Variants in NCOA1 observed in about 807,000 individuals in gnomAD.
NCOA1 encodes nuclear receptor coactivator 1.
In NCOA1, 35 loss-of-function variants were observed where a neutral mutation model predicts 150.9. The observed-to-expected ratio is 0.23, with a 90% CI of 0.18 to 0.31. NCOA1 has a LOEUF of 0.31. Among genes scored for constraint, NCOA1 ranks in the 10% least tolerant of loss-of-function variants. The pLI, the probability that NCOA1 is intolerant of heterozygous loss-of-function variation, is 1.00. For missense variants in NCOA1, 1,491 were observed against 1,749.3 expected (o/e 0.85, Z 2.63); for synonymous variants, 590 against 630.0 (o/e 0.94, Z 0.95).
chr2:24,729,618 G>A lies in NCOA1; in HGVS notation c.3004G>A (p.Ala1002Thr). 5 of 1,614,072 alleles carry A rather than the reference G, an allele frequency of 3.1e-6. No homozygotes were observed. The highest frequency in any genetic ancestry group is 3.4e-6 in the Non-Finnish European group (4 of 1,180,006). The change falls in exon 17 of 23, where the codon GCC becomes ACC. Residue 1002 changes from alanine to threonine, a missense_variant. Coordinates refer to ENST00000348332, the MANE Select transcript of NCOA1 (RefSeq NM_003743.5). ...SQPYSSPSPT[A>T]NLPSPFQGMV... ...GCCTTACTCTTCTCCTTCTCCTACT[G>A]CCAATCTCCCTAGCCCTTTCCAAGG...
At chr2:24,563,724 C>G (rs1666385623) in intron 1 of NCOA1, among the ~76,000 whole-genome samples, 1 of 152,036 alleles carries the variant, frequency 6.6e-6, no homozygotes, top group Non-Finnish European at 1.5e-5. Flanking sequence ...TGTCATGTTG[C>G]CCAGGCTGGT....
At chr2:24,496,166 A>G (rs926454258) in intron 1 of NCOA1, among the ~76,000 whole-genome samples, 4 of 152,182 alleles carry the variant, frequency 2.6e-5, no homozygotes, top group Non-Finnish European at 5.9e-5. Context: ...GTTTGCTTGC[A>G]TGCATTTACC....
At chr2:24,504,909 G>A (rs1663624062) in intron 1 of NCOA1, among the ~76,000 whole-genome samples, 1 of 152,088 alleles carries the variant, frequency 6.6e-6, no homozygotes, top group South Asian at 2.1e-4. Flanking sequence ...ATCCTTGGAG[G>A]TCATTTTCCC....
At position 24,707,718 on chromosome 2, in the gene NCOA1, C is replaced by T. The variant is rs752284386; in HGVS notation, c.2248C>T (p.Arg750Cys). 23 of 1,613,940 alleles carry T rather than the reference C, an allele frequency of 1.4e-5. No homozygotes were observed. The highest frequency in any genetic ancestry group is 1.7e-5 in the Non-Finnish European group (20 of 1,179,920). Residue 750 changes from arginine to cysteine, a missense_variant, in exon 13 of 23, where the codon CGC (arginine) becomes TGC (cysteine). By Grantham distance (180) the Arg-to-Cys change is radical. Coordinates refer to ENST00000348332, the MANE Select transcript of NCOA1 (RefSeq NM_003743.5). ...KKESKDHQLL[R>C]YLLDKDEKDL... ...AGAATCAAAAGACCATCAGCTCCTA[C>T]GCTATCTTTTAGATAAAGATGAGAA...
At chr2:24,762,315 A>C (rs954756416) in intron 21 of NCOA1, among the ~76,000 whole-genome samples, 2 of 152,256 alleles carry the variant, frequency 1.3e-5, no homozygotes, top group East Asian at 1.9e-4. Context: ...AATCTTGACC[A>C]AAGTGTGAGT....
At chr2:24,727,625 A>T (rs1235297402) in intron 15 of NCOA1, among the ~76,000 whole-genome samples, 2 of 152,234 alleles carry the variant, frequency 1.3e-5, no homozygotes, top group African/African-American at 2.4e-5. Context: ...TCTCAAAGGA[A>T]GAATGCTTAT....
intron 3 of NCOA1, among the ~76,000 whole-genome samples, chr2:24,596,850 G>T (rs1323996343): frequency 6.6e-6 from 1 of 152,150 alleles, no homozygotes; most frequent in African/African-American, 2.4e-5. Flanking sequence ...TATACTTGAG[G>T]TTTATGAACT....
intron 9 of NCOA1, among the ~76,000 whole-genome samples, chr2:24,691,898 A>G (rs1672682952): frequency 6.6e-6 from 1 of 152,194 alleles, no homozygotes; most frequent in Non-Finnish European, 1.5e-5. Flanking sequence ...CATTCCCACT[A>G]AAATGTCAAA....
intron 3 of NCOA1, among the ~76,000 whole-genome samples, chr2:24,623,061 A>G (rs771436528): frequency 1.3e-5 from 2 of 152,190 alleles, no homozygotes; most frequent in African/African-American, 2.4e-5. Flanking sequence ...TTTACCAGGC[A>G]TTACAAGGAT....
chr2:24,706,822 C>G lies in NCOA1; in HGVS notation c.1352C>G (p.Ala451Gly), dbSNP rs1265845677. Residue 451 changes from alanine to glycine, a missense_variant, in exon 13 of 23, where the codon GCC becomes GGC. This residue lies in a region of NCOA1 where 703 missense variants were observed against 717.7 expected (regional missense o/e 0.98). Coordinates refer to ENST00000348332, the MANE Select transcript of NCOA1 (RefSeq NM_003743.5). ...TGCTCACCCGGAAGTCAGATTGTAGCCAATGTTGCCTTAAACCAAGGACAG... is the reference window on the plus strand; with the variant it reads ...TGCTCACCCGGAAGTCAGATTGTAGGCAATGTTGCCTTAAACCAAGGACAG... ...FGCSPGSQIVANVALNQGQAS... is the reference protein window; with the variant it reads ...FGCSPGSQIVGNVALNQGQAS... The G allele has an allele frequency of 6.2e-7, 1 of 1,614,168 alleles. No individual in the cohort carries two copies. The highest frequency in any genetic ancestry group is 1.3e-5 in the African/African-American group (1 of 75,034).
chr2:24,682,628 T>C (rs1014135427), intron 7 of NCOA1, among the ~76,000 whole-genome samples: 3 of 152,176 alleles, frequency 2.0e-5, no homozygotes, highest in African/African-American at 7.2e-5. Flanking sequence ...CCTGGAATGT[T>C]CTTCCTTCAA....
intron 1 of NCOA1, among the ~76,000 whole-genome samples, chr2:24,531,607 G>C (rs1477686751): frequency 6.6e-6 from 1 of 152,012 alleles, no homozygotes; most frequent in Non-Finnish European, 1.5e-5. Context: ...CCCTCCACCA[G>C]CCTCCCGCCC....
At chr2:24,712,800 G>C (rs1474223003) in intron 14 of NCOA1, among the ~76,000 whole-genome samples, 3 of 151,164 alleles carry the variant, frequency 2.0e-5, no homozygotes, top group African/African-American at 7.3e-5. Flanking sequence ...TTTAATGAGG[G>C]AAATGTAAGA....
At chr2:24,718,807 G>A (rs2148619926) in intron 14 of NCOA1, among the ~76,000 whole-genome samples, 1 of 150,766 alleles carries the variant, frequency 6.6e-6, no homozygotes, top group Admixed American at 6.6e-5. Context: ...AGGCAGAGCT[G>A]GCAGTGAGCC....
intron 13 of NCOA1, among the ~76,000 whole-genome samples, chr2:24,709,521 T>G (rs1351511049): frequency 6.6e-6 from 1 of 152,252 alleles, no homozygotes; most frequent in Non-Finnish European, 1.5e-5. Context: ...TTTATTTTGC[T>G]TATTGACTTT....
rs551792523 is a variant in NCOA1, at chr2:24,677,871, C to T, written c.354+4408C>T. 5.3e-5 allele frequency among the ~76,000 whole-genome samples: 8 copies of T among 150,306 alleles called. No individual in the cohort carries two copies. The South Asian group carries it at 1.7e-3, about 32-fold the overall frequency. ...AGTGAGAGAATGAGGATGTGCCACACTTTTTTTTTTCTTCAACTTTTAAGT... is the reference window on the plus strand; with the variant it reads ...AGTGAGAGAATGAGGATGTGCCACATTTTTTTTTTTCTTCAACTTTTAAGT... On this transcript the variant is annotated intron_variant, in intron 7 of 22. Transcript: ENST00000348332.
At chr2:24,649,175 C>A (rs1032039294) in intron 4 of NCOA1, among the ~76,000 whole-genome samples, 10 of 152,072 alleles carry the variant, frequency 6.6e-5, no homozygotes, top group Non-Finnish European at 1.3e-4. Flanking sequence ...ACAATTCTCC[C>A]ACCTCAGACT....
At chr2:24,639,887 CA>C (rs1278174216) in intron 3 of NCOA1, among the ~76,000 whole-genome samples, 926 of 47,948 alleles carry the variant, frequency 0.019, 46 homozygotes, top group African/African-American at 0.071. Context: ...GACTCTGTCT[CA>C]AAAAAAAAAA....
At position 24,726,671 on chromosome 2, in the gene NCOA1, T is replaced by C. The variant is rs1182974075; in HGVS notation, c.2682T>C (p.Asn894=). 6.2e-6 allele frequency: 10 copies of C among 1,611,036 alleles called. No individual in the cohort carries two copies. The highest frequency in any genetic ancestry group is 8.5e-6 in the Non-Finnish European group (10 of 1,178,648). The change falls in exon 15 of 23, where the codon AAT becomes AAC. Residue 894 remains asparagine (N), a synonymous_variant. Coordinates refer to ENST00000348332, the MANE Select transcript of NCOA1 (RefSeq NM_003743.5). ...GCGATCAGATTCCATGGACAAATAATACAGTGACAGCTATAAATCAGAGTA... is the reference window on the plus strand; with the variant it reads ...GCGATCAGATTCCATGGACAAATAACACAGTGACAGCTATAAATCAGAGTA... ...GTGDQIPWTN[N]TVTAINQSKS... is the part of the protein sequence containing the mutation.
Sources: allele counts gnomAD v4.1 joint callset (sites outside exome capture counted in the v4.1 genomes callset), GRCh38; gene constraint gnomAD v4.1.1; regional missense constraint gnomAD v4.1.1; transcripts MANE v1.5; gene names NCBI Gene and HGNC (gene_info 2026-07-23, HGNC 2026-07-21).